Variants in CILK1 observed in about 807,000 individuals in gnomAD.
CILK1 encodes serine/threonine-protein kinase ICK.
A neutral mutation model predicts 79.2 loss-of-function variants in CILK1; 47 were observed. That is an observed-to-expected ratio of 0.59 (90% CI 0.47 to 0.76). CILK1 has a LOEUF of 0.76. CILK1 is among the 30% of genes least tolerant of loss of function. CILK1 has a pLI of 0.00. For synonymous variants in CILK1, 266 were observed against 275.9 expected, an observed-to-expected ratio of 0.96 and a Z score of 0.36; for missense variants, 660 against 769.5, an observed-to-expected ratio of 0.86 and a Z score of 1.68.
intron 1 of CILK1, among the ~76,000 whole-genome samples, chr6:53,054,323 C>T (rs150956897): frequency 6.6e-6 from 1 of 152,316 alleles, no homozygotes; most frequent in Non-Finnish European, 1.5e-5. Context: ...CCCTCTGCTT[C>T]AGCCTCGACA....
intron 5 of CILK1, among the ~76,000 whole-genome samples, chr6:53,029,692 G>A (rs1243745666): frequency 6.6e-6 from 1 of 152,122 alleles, no homozygotes; most frequent in African/African-American, 2.4e-5. Flanking sequence ...AGGAGTCCAA[G>A]GCCAGCCTGG....
chr6:53,041,206 C>T lies in CILK1; in HGVS notation c.31G>A (p.Gly11Arg). 3.1e-6 allele frequency: 5 copies of T among 1,613,904 alleles called. No individual in the cohort carries two copies. The highest frequency in any genetic ancestry group is 2.2e-5 in the South Asian group (2 of 91,068). The change falls in exon 2 of 14, where the codon GGG (glycine) becomes AGG (arginine). Residue 11 changes from glycine (G) to arginine (R), a missense_variant. Coordinates refer to ENST00000676107, the MANE Select transcript of CILK1 (RefSeq NM_014920.5). ...AGGACGGAACCGTAGGTTCCATCCC[C>T]GAGCTGCCTGATTGTTGTGTATCTA... MNRYTTIRQL[G>R]DGTYGSVLLG...
chr6:53,002,754 A>C lies in CILK1; in HGVS notation c.*2395T>G, dbSNP rs1764001118. 1 of 152,224 alleles carries C rather than the reference A, an allele frequency of 6.6e-6. No homozygotes were observed. The highest frequency in any genetic ancestry group is 2.1e-4 in the South Asian group (1 of 4,832). 9.4% of individuals were successfully genotyped at this position (152,224 alleles called of 1,614,324 possible). A position where few individuals can be genotyped will look rare whatever the true frequency, so the allele number is the denominator to read the frequency against. On this transcript the variant is annotated 3_prime_UTR_variant, in exon 14 of 14. Transcript: ENST00000676107. ...CCAGGGAAGTTGCTTGCTGGTAAAC[A>C]AACGAAAGCATAAAAAGAAAAAAGC...
intron 5 of CILK1, among the ~76,000 whole-genome samples, chr6:53,025,854 C>G (rs1765535734): frequency 6.6e-6 from 1 of 152,206 alleles, no homozygotes; most frequent in Admixed American, 6.5e-5. Context: ...GCCTTATACA[C>G]ATGAGATCTA....
At chr6:53,031,241 C>T (rs1765943427) in intron 4 of CILK1, 97 bp from the exon 5 acceptor site, 2 of 773,388 alleles carry the variant, frequency 2.6e-6, no homozygotes, top group Admixed American at 3.7e-5. Flanking sequence ...GGGGAGCTAC[C>T]TTATAAACAC....
At chr6:53,028,343 A>G (rs545968794) in intron 5 of CILK1, among the ~76,000 whole-genome samples, 1 of 152,130 alleles carries the variant, frequency 6.6e-6, no homozygotes, top group African/African-American at 2.4e-5. Context: ...AATGATTATT[A>G]TTTTCTTCAC....
In CILK1 at chr6:53,021,335, G is replaced by A. The variant is rs868454827; in HGVS notation, c.359-1976C>T. Among the ~76,000 whole-genome samples, 29 of 151,552 alleles carry A rather than the reference G, an allele frequency of 1.9e-4. No individual in the cohort carries two copies. In the Middle Eastern group the frequency reaches 0.01, roughly 54 times the overall value. On this transcript the variant is annotated intron_variant, in intron 5 of 13. Transcript: ENST00000676107. Reference sequence around the variant, plus strand: ...GCAAGACTTCGTTTTGGAGCGGCGCGGGGGGGTTGGGGGGGTAAATCTCAT... The same window carrying A: ...GCAAGACTTCGTTTTGGAGCGGCGCAGGGGGGTTGGGGGGGTAAATCTCAT...
intron 3 of CILK1, among the ~76,000 whole-genome samples, chr6:53,037,449 G>A (rs1394115996): frequency 6.6e-6 from 1 of 152,080 alleles, no homozygotes; most frequent in Admixed American, 6.5e-5. Context: ...CTTTCTACCC[G>A]CTTCTGCCTT....
chr6:53,044,188 C>T (rs996760918), intron 1 of CILK1, among the ~76,000 whole-genome samples: 1 of 152,150 alleles, frequency 6.6e-6, no homozygotes, highest in African/African-American at 2.4e-5. Flanking sequence ...AGGAGCTGGG[C>T]CACACAGCAG....
rs938386151 is a variant in CILK1 at position 53,061,695 on chromosome 6, T to A, written c.-272A>T. ...GCTCCGGAGCTGGAAATGGGGACAATCCCTGCTAGGACCGGCCGAGGGCTC... is the reference window on the plus strand; with the variant it reads ...GCTCCGGAGCTGGAAATGGGGACAAACCCTGCTAGGACCGGCCGAGGGCTC... On this transcript the variant is annotated 5_prime_UTR_variant, in exon 1 of 14. Transcript: ENST00000676107. 1 of 152,248 alleles carries A rather than the reference T, an allele frequency of 6.6e-6. No individual in the cohort carries two copies. The highest frequency in any genetic ancestry group is 1.5e-5 in the Non-Finnish European group (1 of 68,136). The allele number at this position is 152,248 out of a possible 1,614,324, so 9.4% of individuals were successfully genotyped here.
chr6:53,028,332 C>CAATG (rs1268629898), intron 5 of CILK1, among the ~76,000 whole-genome samples: 2 of 152,064 alleles, frequency 1.3e-5, no homozygotes, highest in African/African-American at 4.8e-5. Context: ...ATACCACTTA[C>CAATG]AATGATTATT....
At chr6:53,009,911 C>G (rs1378427832) in intron 11 of CILK1, among the ~76,000 whole-genome samples, 1 of 152,176 alleles carries the variant, frequency 6.6e-6, no homozygotes, top group Non-Finnish European at 1.5e-5. Flanking sequence ...CTCCATCCCC[C>G]ACCCATGGCC....
At chr6:53,040,525 C>T (rs1461525717) in intron 2 of CILK1, among the ~76,000 whole-genome samples, 2 of 152,226 alleles carry the variant, frequency 1.3e-5, no homozygotes, top group East Asian at 3.8e-4. Flanking sequence ...GATTCTTCCC[C>T]AGTCCAATCT....
At position 53,004,322 on chromosome 6, in the gene CILK1, C is replaced by A. The variant is rs181083642; in HGVS notation, c.*827G>T. 6 of 152,312 alleles carry A rather than the reference C, an allele frequency of 3.9e-5. No individual in the cohort carries two copies. Among genetic ancestry groups the A allele is most frequent in the African/African-American group, 1.4e-4 (6 of 41,564 alleles). 9.4% of individuals were successfully genotyped at this position (152,312 alleles called of 1,614,324 possible). A position where few individuals can be genotyped will look rare whatever the true frequency, so the allele number is the denominator to read the frequency against. On this transcript the variant is annotated 3_prime_UTR_variant, in exon 14 of 14. Coordinates refer to ENST00000676107, the MANE Select transcript of CILK1 (RefSeq NM_014920.5). ...AAGTTTGATTGACTGTGTTAACCTT[C>A]ATGTTGAGAGCCTTTTGAAGCAGAA...
chr6:53,053,052 G>GA (rs11413920), intron 1 of CILK1, among the ~76,000 whole-genome samples: 106,999 of 142,938 alleles, frequency 0.75, 40,335 homozygotes, highest in South Asian at 0.89. Flanking sequence ...GTAAAAGCCT[G>GA]AAAAAAAAAA....
At chr6:53,019,835 T>G (rs66962549) in intron 5 of CILK1, among the ~76,000 whole-genome samples, 9 of 135,510 alleles carry the variant, frequency 6.6e-5, no homozygotes, top group Admixed American at 2.8e-4. Flanking sequence ...TTTTTTTGTT[T>G]TTTTTTTTTT....
Position 53,011,798 on chromosome 6 carries a change from T to C in CILK1, c.1463A>G (p.His488Arg). ...TPTLRSAAKQHYLKHSRYLPG... is the reference protein window; with the variant it reads ...TPTLRSAAKQRYLKHSRYLPG... ...CAAGTATCGAGAGTGCTTCAAATAGTGCTGCTTGGCTGCAGATCTCAGGGT... is the reference window on the plus strand; with the variant it reads ...CAAGTATCGAGAGTGCTTCAAATAGCGCTGCTTGGCTGCAGATCTCAGGGT... Residue 488 changes from histidine to arginine, a missense_variant, in exon 11 of 14, where the codon CAC becomes CGC. Transcript: ENST00000676107. 1 of 1,614,164 alleles carries C rather than the reference T, an allele frequency of 6.2e-7. No homozygotes were observed. The highest frequency in any genetic ancestry group is 8.5e-7 in the Non-Finnish European group (1 of 1,180,008).
At chr6:53,058,944 A>G (rs1373985485) in intron 1 of CILK1, among the ~76,000 whole-genome samples, 2 of 152,132 alleles carry the variant, frequency 1.3e-5, no homozygotes, top group African/African-American at 4.8e-5. Flanking sequence ...ATTAAGCAGT[A>G]GTGTTCCTGG....
In CILK1 at chr6:53,016,112, C is replaced by T. The variant is rs774191099; in HGVS notation, c.802G>A (p.Asp268Asn). ...VQLLRDMLQW[D>N]PKKRPTASQA... ...CTAGCTGTTGGTCGTTTCTTGGGATCCCACTGAAGCATGTCTCTCAGGAGC... is the reference window on the plus strand; with the variant it reads ...CTAGCTGTTGGTCGTTTCTTGGGATTCCACTGAAGCATGTCTCTCAGGAGC... Residue 268 changes from aspartate to asparagine, a missense_variant, in exon 8 of 14, where the codon GAT becomes AAT. Coordinates refer to ENST00000676107, the MANE Select transcript of CILK1 (RefSeq NM_014920.5). The T allele has an allele frequency of 6.2e-6, 10 of 1,613,954 alleles. No homozygotes were observed.
Sources: allele counts gnomAD v4.1 joint callset (sites outside exome capture counted in the v4.1 genomes callset), GRCh38; gene constraint gnomAD v4.1.1; transcripts MANE v1.5; gene names NCBI Gene and HGNC (gene_info 2026-07-23, HGNC 2026-07-21).